The following VTI1A variants were observed in gnomAD, a reference collection of about 807,000 sequenced individuals.
VTI1A encodes the protein vesicle transport through interaction with t-SNAREs 1A.
A neutral mutation model predicts 34.9 loss-of-function variants in VTI1A; 22 were observed. That is an observed-to-expected ratio of 0.63 (90% CI 0.45 to 0.90). The LOEUF is 0.90. Among genes scored for constraint, VTI1A ranks in the 40% least tolerant of loss-of-function variants. The pLI, the probability that VTI1A is intolerant of heterozygous loss-of-function variation, is 0.00. For missense variants in VTI1A, 268 were observed against 275.6 expected (o/e 0.97, Z 0.20); for synonymous variants, 87 against 97.3 (o/e 0.89, Z 0.62).
chr10:112,827,225 T>G, the VTI1A span: 1 of 152,242 alleles, frequency 6.6e-6, no homozygotes, highest in Non-Finnish European at 1.5e-5. Flanking sequence ...AATTAATCGC[T>G]CTTCTCCGTG....
intron 7 of VTI1A, among the ~76,000 whole-genome samples, chr10:112,734,332 G>A (rs752710354): frequency 2.0e-5 from 3 of 152,054 alleles, no homozygotes; most frequent in Non-Finnish European, 4.4e-5. Flanking sequence ...GTGCACACTC[G>A]TTCTTGCATC....
At chr10:112,548,598 A>G (rs773175454) in intron 5 of VTI1A, 3 of 869,784 alleles carry the variant, frequency 3.4e-6, no homozygotes, top group Non-Finnish European at 5.8e-6. Flanking sequence ...GGCAGGTATT[A>G]TTCATTGAAT....
chr10:112,615,623 T>C lies in VTI1A; in HGVS notation c.428-52595T>C, dbSNP rs556043802. Among the ~76,000 whole-genome samples, 102 of 152,292 alleles carry C rather than the reference T, an allele frequency of 6.7e-4. 1 individual carries two copies. The highest frequency in any genetic ancestry group is 1.4e-3 in the Non-Finnish European group (93 of 68,026). ...TAAATTTTAAGCCATATTAATTGGA[T>C]TGATGGAAAGTCCAAAGGGCTGTTA... On this transcript the variant is annotated intron_variant, in intron 5 of 7. Coordinates refer to ENST00000393077, the MANE Select transcript of VTI1A (RefSeq NM_145206.4).
rs559609509 is a variant in VTI1A, at chr10:112,599,542, A to G, written c.427+61212A>G. On this transcript the variant is annotated intron_variant, in intron 5 of 7. Coordinates refer to ENST00000393077, the MANE Select transcript of VTI1A (RefSeq NM_145206.4). ...AGAAGGCCTTCATGGAAAGCCTTCA[A>G]TGCCAGAGACTTTCTTTCCTTGCTT... Among the ~76,000 whole-genome samples the G allele has an allele frequency of 5.3e-5, 8 of 152,308 alleles. 1 individual carries two copies. In the South Asian group the frequency reaches 1.2e-3, roughly 24 times the overall value.
intron 5 of VTI1A, among the ~76,000 whole-genome samples, chr10:112,583,874 T>TA (rs543339652): frequency 1.4e-4 from 22 of 152,328 alleles, no homozygotes; most frequent in African/African-American, 5.1e-4. Flanking sequence ...TTTCAGCTCT[T>TA]AAAGTGACAG....
chr10:112,749,498 A>G (rs1436106969), intron 7 of VTI1A, among the ~76,000 whole-genome samples: 3 of 152,256 alleles, frequency 2.0e-5, no homozygotes, highest in African/African-American at 7.2e-5. Context: ...TGTGTAAGAC[A>G]GGGAGGAAAC....
intron 5 of VTI1A, among the ~76,000 whole-genome samples, chr10:112,637,344 T>A (rs1164422566): frequency 6.6e-6 from 1 of 152,184 alleles, no homozygotes; most frequent in Non-Finnish European, 1.5e-5. Context: ...AATGTTTCCT[T>A]GTTGCATATC....
chr10:112,680,627 A>G (rs559909620), intron 7 of VTI1A, among the ~76,000 whole-genome samples: 1 of 152,346 alleles, frequency 6.6e-6, no homozygotes, highest in South Asian at 2.1e-4. Context: ...GTAGCTTAAT[A>G]TCTAATTGGG....
chr10:112,507,498 T>A (rs1033324695), intron 3 of VTI1A, among the ~76,000 whole-genome samples: 1 of 152,194 alleles, frequency 6.6e-6, no homozygotes, highest in African/African-American at 2.4e-5. Flanking sequence ...CTCTAACTTT[T>A]GGTGGCTGAA....
intron 3 of VTI1A, among the ~76,000 whole-genome samples, chr10:112,499,218 G>A (rs1449736340): frequency 5.3e-5 from 8 of 152,172 alleles, no homozygotes; most frequent in African/African-American, 1.7e-4. Flanking sequence ...TTTTGCTAAA[G>A]TCACACGTGA....
At chr10:112,472,164 T>G (rs1269314787) in intron 3 of VTI1A, among the ~76,000 whole-genome samples, 4 of 152,182 alleles carry the variant, frequency 2.6e-5, no homozygotes, top group African/African-American at 4.8e-5. Flanking sequence ...AATGATTAGA[T>G]CGTAATGAAT....
At chr10:112,656,218 T>C (rs1458349953) in intron 5 of VTI1A, among the ~76,000 whole-genome samples, 4 of 152,166 alleles carry the variant, frequency 2.6e-5, no homozygotes, top group Non-Finnish European at 5.9e-5. Flanking sequence ...TTCAGGGCAC[T>C]GTGATTGATT....
intron 5 of VTI1A, among the ~76,000 whole-genome samples, chr10:112,634,991 G>A (rs978935135): frequency 6.6e-6 from 1 of 152,154 alleles, no homozygotes; most frequent in African/African-American, 2.4e-5. Flanking sequence ...GTTAAAATAG[G>A]CAGACAGAGG....
chr10:112,625,791 T>C (rs898060602), intron 5 of VTI1A, among the ~76,000 whole-genome samples: 1 of 151,920 alleles, frequency 6.6e-6, no homozygotes, highest in Non-Finnish European at 1.5e-5. Context: ...AGACTACAAA[T>C]TGGGTACAGC....
intron 5 of VTI1A, among the ~76,000 whole-genome samples, chr10:112,596,471 T>G (rs1404917654): frequency 1.3e-5 from 2 of 152,010 alleles, no homozygotes; most frequent in African/African-American, 4.8e-5. Flanking sequence ...CATTTTGGGG[T>G]TTTTAAAACT....
chr10:112,730,755 A>G (rs1456436776), intron 7 of VTI1A, among the ~76,000 whole-genome samples: 1 of 152,134 alleles, frequency 6.6e-6, no homozygotes, highest in Non-Finnish European at 1.5e-5. Flanking sequence ...AAAAATACCA[A>G]TCCCAATTGC....
intron 5 of VTI1A, among the ~76,000 whole-genome samples, chr10:112,617,089 C>T (rs1397710923): frequency 2.6e-5 from 4 of 152,022 alleles, no homozygotes; most frequent in African/African-American, 7.3e-5. Context: ...CATCTAGACA[C>T]GTTATAGTGA....
chr10:112,753,095 G>A (rs1851160609), intron 7 of VTI1A, among the ~76,000 whole-genome samples: 1 of 151,904 alleles, frequency 6.6e-6, no homozygotes, highest in Non-Finnish European at 1.5e-5. Flanking sequence ...AAGGATCAGA[G>A]TTTATAAAAT....
chr10:112,734,009 C>T (rs1315650248), intron 7 of VTI1A, among the ~76,000 whole-genome samples: 3 of 152,152 alleles, frequency 2.0e-5, no homozygotes, highest in African/African-American at 7.2e-5. Flanking sequence ...ACCTCAGCCT[C>T]CCAAAGTGCT....
Sources: gnomAD v4.1 joint callset for allele counts (sites outside exome capture counted in the v4.1 genomes callset) on GRCh38, gnomAD v4.1.1 for gene constraint, MANE v1.5 for transcripts, NCBI Gene and HGNC (gene_info 2026-07-23, HGNC 2026-07-21) for gene names.